Variants in CRACD observed in about 807,000 individuals in gnomAD.
CRACD encodes capping protein inhibiting regulator of actin dynamics, also known as capping protein-inhibiting regulator of actin dynamics.
Under a neutral mutation model 106.8 loss-of-function variants are expected in CRACD, and 56 were observed. The observed-to-expected ratio is 0.52, with a 90% CI of 0.42 to 0.66. The LOEUF is 0.66. Among genes scored for constraint, CRACD ranks in the 30% least tolerant of loss-of-function variants. CRACD has a pLI of 0.00. For synonymous variants in CRACD, 754 were observed against 670.8 expected (o/e 1.12, Z -1.92); for missense variants, 1,730 against 1,623.2 (o/e 1.07, Z -1.13).
At chr4:56,242,939 T>G (rs1740452750) in intron 2 of CRACD, among the ~76,000 whole-genome samples, 1 of 152,158 alleles carries the variant, frequency 6.6e-6, no homozygotes, top group Non-Finnish European at 1.5e-5. Context: ...GTTAGAGGGA[T>G]GCACCCCTAG....
intron 2 of CRACD, among the ~76,000 whole-genome samples, chr4:56,271,855 CA>C (rs1742366724): frequency 6.6e-6 from 1 of 152,156 alleles, no homozygotes. Context: ...ATCAATCCTC[CA>C]GCCTCAGCTT....
chr4:56,161,767 A>ATTTTTTT (rs35832943), intron 1 of CRACD, among the ~76,000 whole-genome samples: 20 of 141,362 alleles, frequency 1.4e-4, no homozygotes, highest in African/African-American at 4.4e-4. Flanking sequence ...GCCAAAGAGC[A>ATTTTTTT]TTTTTTTTTT....
intron 2 of CRACD, among the ~76,000 whole-genome samples, chr4:56,259,847 G>A (rs1198760459): frequency 6.6e-6 from 1 of 152,194 alleles, no homozygotes; most frequent in Non-Finnish European, 1.5e-5. Context: ...TACAATGGAA[G>A]TGAGGTAGAG....
chr4:56,050,174 G>C lies in CRACD; in HGVS notation c.-336+875G>C, dbSNP rs965657650. Among the ~76,000 whole-genome samples, 24 of 152,178 alleles carry C rather than the reference G, an allele frequency of 1.6e-4. 1 individual carries two copies. Among genetic ancestry groups the C allele is most frequent in the African/African-American group, 5.8e-4 (24 of 41,518 alleles). On this transcript the variant is annotated intron_variant, in intron 1 of 10. Coordinates refer to ENST00000682029, the MANE Select transcript of CRACD (RefSeq NM_001393381.1). ...CAAGACACATTGATTCAGTGGAGGG[G>C]GAGGGGGAAGAAAACCTAGTAAGTA...
intron 1 of CRACD, among the ~76,000 whole-genome samples, chr4:56,086,648 A>T (rs140716480): frequency 2.0e-4 from 31 of 151,362 alleles, no homozygotes; most frequent in African/African-American, 7.5e-4. Flanking sequence ...CCTCTTCCCT[A>T]CCCCTCCTAT....
intron 1 of CRACD, among the ~76,000 whole-genome samples, chr4:56,104,020 C>T (rs528248858): frequency 2.0e-5 from 3 of 152,272 alleles, no homozygotes; most frequent in South Asian, 2.1e-4. Context: ...GTGATCCACC[C>T]GCCTTGGCCT....
At chr4:56,238,166 A>C (rs1253268114) in intron 2 of CRACD, among the ~76,000 whole-genome samples, 1 of 152,172 alleles carries the variant, frequency 6.6e-6, no homozygotes, top group Non-Finnish European at 1.5e-5. Context: ...AGTCAACACG[A>C]CTTATGTCTA....
intron 1 of CRACD, among the ~76,000 whole-genome samples, chr4:56,133,881 C>A (rs1734908041): frequency 6.6e-6 from 1 of 152,024 alleles, no homozygotes. Flanking sequence ...ATCAGGGCCT[C>A]AGGAATTGTG....
At chr4:56,310,598 A>T in intron 5 of CRACD, 68 bp from the exon 6 acceptor site, 1 of 1,124,168 alleles carries the variant, frequency 8.9e-7, no homozygotes, top group Non-Finnish European at 1.4e-6. Context: ...AGGCACAGAC[A>T]GTGTCTGGTT....
chr4:56,237,429 A>G (rs2109551665), intron 2 of CRACD, among the ~76,000 whole-genome samples: 1 of 152,322 alleles, frequency 6.6e-6, no homozygotes, highest in East Asian at 1.9e-4. Context: ...ATAAAAAATT[A>G]GTAAGAAAGA....
intron 3 of CRACD, among the ~76,000 whole-genome samples, chr4:56,287,430 G>A (rs1743436665): frequency 6.6e-6 from 1 of 151,972 alleles, no homozygotes; most frequent in South Asian, 2.1e-4. Context: ...TTACAGGCGT[G>A]AACCACCATG....
chr4:56,284,823 A>G lies in CRACD; in HGVS notation c.-17+12331A>G, dbSNP rs111510960. The stretch of plus-strand genomic sequence containing the variant: ...TCTCATTAAAGGCTTGATTACAGTA[A>G]CCGTAAGGTCAAACAGCATGAGATT... On this transcript the variant is annotated intron_variant, in intron 3 of 10. Coordinates refer to ENST00000682029, the MANE Select transcript of CRACD (RefSeq NM_001393381.1). Among the ~76,000 whole-genome samples, 575 of 152,362 alleles carry G rather than the reference A, an allele frequency of 3.8e-3. 2 individuals are homozygous for G. The highest frequency in any genetic ancestry group is 6.3e-3 in the Non-Finnish European group (431 of 68,032).
chr4:56,088,248 C>A (rs992413615), intron 1 of CRACD, among the ~76,000 whole-genome samples: 3 of 151,684 alleles, frequency 2.0e-5, no homozygotes, highest in African/African-American at 7.3e-5. Flanking sequence ...AATTTTGTCA[C>A]CCTAGTAAAT....
intron 3 of CRACD, among the ~76,000 whole-genome samples, chr4:56,293,385 C>A (rs1214273996): frequency 6.6e-6 from 1 of 152,192 alleles, no homozygotes; most frequent in African/African-American, 2.4e-5. Context: ...AAGAAGCTCA[C>A]ACCCTGCTAC....
intron 1 of CRACD, among the ~76,000 whole-genome samples, chr4:56,086,948 C>T (rs1329428777): frequency 6.6e-6 from 1 of 152,296 alleles, no homozygotes; most frequent in Non-Finnish European, 1.5e-5. Context: ...TGGGTACCAG[C>T]CCTGCCATGC....
chr4:56,055,520 A>G (rs1732027328), intron 1 of CRACD, among the ~76,000 whole-genome samples: 1 of 152,106 alleles, frequency 6.6e-6, no homozygotes, highest in Non-Finnish European at 1.5e-5. Context: ...TTCTTAGGGA[A>G]GATTGTGACA....
rs533399476 is a variant in CRACD at position 56,070,545 on chromosome 4, C to T, written c.-336+21246C>T. Among the ~76,000 whole-genome samples, 209 of 152,256 alleles carry T rather than the reference C, an allele frequency of 1.4e-3. 1 individual carries two copies. The highest frequency in any genetic ancestry group is 2.6e-3 in the Admixed American group (40 of 15,292). On this transcript the variant is annotated intron_variant, in intron 1 of 10. Coordinates refer to ENST00000682029, the MANE Select transcript of CRACD (RefSeq NM_001393381.1). ...CTCGTGATCCGCCCGCCTCGGCCTC[C>T]CAAAATGCTGGGATTACAGGCGTGA...
chr4:56,190,840 C>T (rs1248993620), intron 2 of CRACD, among the ~76,000 whole-genome samples: 1 of 152,114 alleles, frequency 6.6e-6, no homozygotes, highest in East Asian at 1.9e-4. Flanking sequence ...CCCCACATTT[C>T]CCTTCCACAT....
chr4:56,265,146 A>ACCT (rs1234705267), intron 2 of CRACD, among the ~76,000 whole-genome samples: 1 of 152,228 alleles, frequency 6.6e-6, no homozygotes. Context: ...TCTGACAGCC[A>ACCT]CAGAGGACTT....
Sources: allele counts gnomAD v4.1 joint callset (sites outside exome capture counted in the v4.1 genomes callset), GRCh38; gene constraint gnomAD v4.1.1; transcripts MANE v1.5; gene names NCBI Gene and HGNC (gene_info 2026-07-23, HGNC 2026-07-21).